Variants in SCEL observed in about 807,000 individuals in gnomAD.
The protein encoded by SCEL is sciellin.
A neutral mutation model predicts 117.6 loss-of-function variants in SCEL; 113 were observed. The observed-to-expected ratio is 0.96, with a 90% confidence interval of 0.83 to 1.12. The LOEUF (loss-of-function observed/expected upper bound fraction) is 1.12. Among genes scored for constraint, SCEL ranks in the 50% most tolerant of loss-of-function variants. SCEL has a pLI of 0.00. For missense variants in SCEL, 785 were observed against 810.8 expected (o/e 0.97, Z 0.39); for synonymous variants, 270 against 256.2 (o/e 1.05, Z -0.51).
intron 4 of SCEL, among the ~76,000 whole-genome samples, chr13:77,562,110 T>C (rs2085016674): frequency 6.6e-6 from 1 of 152,174 alleles, no homozygotes; most frequent in African/African-American, 2.4e-5. Flanking sequence ...TGTGCATCAG[T>C]AGCTGTGTTA....
At chr13:77,571,144 TAAAAATTGTATTTTGAGGC>T (rs2085587863) in intron 8 of SCEL, among the ~76,000 whole-genome samples, 1 of 151,080 alleles carries the variant, frequency 6.6e-6, no homozygotes, top group Admixed American at 6.6e-5. Context: ...CACAGTTTTT[TAAAAATTGTATTTTGAGGC>T]CGGGCGCGGT....
Position 77,644,529 on chromosome 13 carries a change from A to G in SCEL, c.*255A>G. On this transcript the variant is annotated 3_prime_UTR_variant, in exon 33 of 33. Coordinates refer to ENST00000349847, the MANE Select transcript of SCEL (RefSeq NM_144777.3). ...TCCAGATTCCAGTGTCAAAGGAGTG[A>G]TGCATTACACTCCAGCCAGGTCCAT... 1 of 428,936 alleles carries G rather than the reference A, an allele frequency of 2.3e-6. No homozygotes were observed. Among genetic ancestry groups the G allele is most frequent in the Non-Finnish European group, 4.2e-6 (1 of 235,528 alleles). 26.6% of individuals were successfully genotyped at this position (428,936 alleles called of 1,614,324 possible).
At chr13:77,536,301 C>A (rs2083419477) in intron 1 of SCEL, among the ~76,000 whole-genome samples, 1 of 151,984 alleles carries the variant, frequency 6.6e-6, no homozygotes, top group Non-Finnish European at 1.5e-5. Flanking sequence ...AAAAATATTG[C>A]AAGTTGCTGA....
chr13:77,547,330 C>G (rs778982289), intron 1 of SCEL, among the ~76,000 whole-genome samples: 1 of 152,136 alleles, frequency 6.6e-6, no homozygotes, highest in Non-Finnish European at 1.5e-5. Context: ...GTGATGATTA[C>G]TAACTGCTTT....
chr13:77,571,658 CG>C (rs1390520349), intron 8 of SCEL, among the ~76,000 whole-genome samples: 2 of 151,256 alleles, frequency 1.3e-5, no homozygotes, highest in Admixed American at 1.3e-4. Flanking sequence ...CATTACACTC[CG>C]GCCTGGGCAA....
In SCEL at chr13:77,549,477, A is replaced by C. The variant is rs1188235743; in HGVS notation, c.-19-6380A>C. Among the ~76,000 whole-genome samples, 4 of 152,250 alleles carry C rather than the reference A, an allele frequency of 2.6e-5. No homozygotes were observed. In the East Asian group the frequency reaches 7.7e-4, roughly 29 times the overall value. Reference sequence around the variant, plus strand: ...TTCTCTTATTGTCACATAATCTGCTATACCCCATTGTTAGTTCACATAGAC... The same window carrying C: ...TTCTCTTATTGTCACATAATCTGCTCTACCCCATTGTTAGTTCACATAGAC... On this transcript the variant is annotated intron_variant, in intron 1 of 32. Coordinates refer to ENST00000349847, the MANE Select transcript of SCEL (RefSeq NM_144777.3).
chr13:77,577,790 G>A (rs1463568605), intron 9 of SCEL, among the ~76,000 whole-genome samples: 1 of 152,058 alleles, frequency 6.6e-6, no homozygotes, highest in African/African-American at 2.4e-5. Flanking sequence ...ATGAAATATT[G>A]GCCATCCCTA....
intron 10 of SCEL, 111 bp downstream of exon 10, chr13:77,589,335 C>A (rs2086737956): frequency 1.5e-6 from 1 of 666,566 alleles, no homozygotes; most frequent in Non-Finnish European, 2.5e-6. Flanking sequence ...GTGCACATTC[C>A]CTAAAGAAGC....
At chr13:77,552,277 T>G (rs894001601) in intron 1 of SCEL, among the ~76,000 whole-genome samples, 5 of 149,358 alleles carry the variant, frequency 3.3e-5, no homozygotes, top group Admixed American at 3.3e-4. Context: ...CACACTGACT[T>G]CCACAATGGT....
intron 27 of SCEL, among the ~76,000 whole-genome samples, chr13:77,626,251 G>GTATTT (rs2089724986): frequency 6.6e-6 from 1 of 152,112 alleles, no homozygotes; most frequent in Non-Finnish European, 1.5e-5. Flanking sequence ...CACTACCACA[G>GTATTT]GAATAGTGAG....
Position 77,640,799 on chromosome 13 carries a change from A to C in SCEL, c.1947+15A>C, listed in dbSNP as rs749745394. ...CTTGCTTTAAGGTAAGGATGTGTTT[A>C]TTTCACTTAATTAAATAAAAAATTG... On this transcript the variant is annotated intron_variant, in intron 31 of 32. Transcript: ENST00000349847. 2 of 1,234,138 alleles carry C rather than the reference A, an allele frequency of 1.6e-6. No individual in the cohort carries two copies. The highest frequency in any genetic ancestry group is 2.6e-5 in the South Asian group (2 of 76,652). The allele number at this position is 1,234,138 out of a possible 1,614,324, so 76.4% of individuals were successfully genotyped here.
At chr13:77,642,631 G>C in intron 31 of SCEL, 75 bp from the exon 32 acceptor site, 1 of 859,610 alleles carries the variant, frequency 1.2e-6, no homozygotes, top group South Asian at 1.8e-5. Context: ...CGATGGTAGA[G>C]AGATGATGTC....
intron 15 of SCEL, among the ~76,000 whole-genome samples, chr13:77,601,099 G>C: frequency 6.9e-6 from 1 of 144,722 alleles, no homozygotes; most frequent in East Asian, 2.1e-4. Flanking sequence ...AATAGATGAA[G>C]TTGAAAAACA....
In SCEL at chr13:77,631,586, T is replaced by C. The variant is rs375782881; in HGVS notation, c.1692-2793T>C. Among the ~76,000 whole-genome samples the C allele has an allele frequency of 3.9e-4, 60 of 152,290 alleles. 1 individual carries two copies. In the South Asian group the frequency reaches 0.012, roughly 29 times the overall value. ...AATCTGGGTGAAGGTGTACAGGGAC[T>C]TTCTGTGTCATCTTTGGAATTTTTC... is the stretch of plus-strand genomic sequence containing the variant. On this transcript the variant is annotated intron_variant, in intron 28 of 32. Coordinates refer to ENST00000349847, the MANE Select transcript of SCEL (RefSeq NM_144777.3).
chr13:77,575,815 A>G (rs979358262), intron 9 of SCEL, among the ~76,000 whole-genome samples: 1 of 152,226 alleles, frequency 6.6e-6, no homozygotes, highest in Non-Finnish European at 1.5e-5. Flanking sequence ...GAAATAACCA[A>G]TACAGTGTTT....
Position 77,556,680 on chromosome 13 carries a change from A to G in SCEL, c.128A>G (p.Asn43Ser), listed in dbSNP as rs2084676012. Residue 43 changes from asparagine (N) to serine (S), a missense_variant, in exon 3 of 33, where the codon AAC becomes AGC. Asn to Ser is a conservative substitution (Grantham distance 46). Coordinates refer to ENST00000349847, the MANE Select transcript of SCEL (RefSeq NM_144777.3). Reference sequence around the variant, plus strand: ...AAAAGAAGAACTTTCTTACAGGATAACAGTTGGATAAAGAAACGCCCTGAA... The same window carrying G: ...AAAAGAAGAACTTTCTTACAGGATAGCAGTTGGATAAAGAAACGCCCTGAA... ...VNKRRTFLQDNSWIKKRPEEE... is the reference protein window; with the variant it reads ...VNKRRTFLQDSSWIKKRPEEE... The G allele has an allele frequency of 2.5e-6, 4 of 1,613,912 alleles. No homozygotes were observed. Among genetic ancestry groups the G allele is most frequent in the East Asian group, 2.2e-5 (1 of 44,902 alleles).
At chr13:77,578,835 A>G (rs1168736061) in intron 9 of SCEL, among the ~76,000 whole-genome samples, 2 of 152,214 alleles carry the variant, frequency 1.3e-5, no homozygotes, top group Non-Finnish European at 2.9e-5. Flanking sequence ...ATTCCCAAGT[A>G]AAGATAAACA....
intron 28 of SCEL, 80 bp from the exon 29 acceptor site, chr13:77,634,299 C>A: frequency 1.8e-6 from 2 of 1,095,460 alleles, no homozygotes; most frequent in Non-Finnish European, 1.4e-6. Flanking sequence ...TTACATTTTG[C>A]ATTGAATTAG....
chr13:77,617,739 C>G (rs1228033112), intron 25 of SCEL, 64 bp from the exon 26 acceptor site: 1 of 1,490,808 alleles, frequency 6.7e-7, no homozygotes, highest in Non-Finnish European at 9.3e-7. Flanking sequence ...GATTTATAAC[C>G]TTAATGATAT....
Sources: allele counts gnomAD v4.1 joint callset (sites outside exome capture counted in the v4.1 genomes callset), GRCh38; gene constraint gnomAD v4.1.1; transcripts MANE v1.5; gene names NCBI Gene and HGNC (gene_info 2026-07-23, HGNC 2026-07-21).